Variants in DPP10 observed in about 807,000 individuals in gnomAD.
DPP10 encodes dipeptidyl peptidase like 10.
A neutral mutation model predicts 120.9 loss-of-function variants in DPP10; 33 were observed. That is an observed-to-expected ratio of 0.27 (90% CI 0.21 to 0.37). DPP10 has a LOEUF of 0.37. Among genes scored for constraint, DPP10 ranks in the 10% least tolerant of loss-of-function variants. DPP10 has a pLI of 1.00. For missense variants in DPP10, 816 were observed against 942.8 expected (o/e 0.87, Z 1.76); for synonymous variants, 337 against 326.1 (o/e 1.03, Z -0.36).
intron 1 of DPP10, among the ~76,000 whole-genome samples, chr2:114,549,478 T>C (rs571316839): frequency 5.3e-5 from 8 of 151,850 alleles, no homozygotes; most frequent in African/African-American, 1.7e-4. Flanking sequence ...CTGGCCAACA[T>C]TGGGAAACCC....
At chr2:115,024,916 ATATAT>A (rs1703351785) in intron 1 of DPP10, among the ~76,000 whole-genome samples, 1 of 150,300 alleles carries the variant, frequency 6.7e-6, no homozygotes, top group Non-Finnish European at 1.5e-5. Context: ...TAATCTTTAA[ATATAT>A]TTTATAATCT....
At chr2:114,500,176 A>G (rs1384076066) in intron 1 of DPP10, among the ~76,000 whole-genome samples, 3 of 152,228 alleles carry the variant, frequency 2.0e-5, no homozygotes, top group Admixed American at 2.0e-4. Flanking sequence ...AATTTCTAGA[A>G]ACTAACAGAA....
intron 3 of DPP10, among the ~76,000 whole-genome samples, chr2:115,402,857 ATATAT>A (rs199799825): frequency 4.4e-5 from 5 of 113,930 alleles, no homozygotes; most frequent in South Asian, 2.7e-4. Context: ...AAAAAAAAAT[ATATAT>A]ATATATATAT....
At chr2:115,071,971 G>T (rs116147827) in intron 1 of DPP10, among the ~76,000 whole-genome samples, 434 of 152,202 alleles carry the variant, frequency 2.9e-3, no homozygotes, top group African/African-American at 9.5e-3. Context: ...CAGCAAAGAA[G>T]AATTGTCCAG....
intron 1 of DPP10, among the ~76,000 whole-genome samples, chr2:114,958,503 A>T (rs902484335): frequency 6.6e-6 from 1 of 152,216 alleles, no homozygotes; most frequent in African/African-American, 2.4e-5. Context: ...TGCATCTTTT[A>T]AAATTGCTTA....
In DPP10 at chr2:115,590,854, G is replaced by A. The variant is rs7425041; in HGVS notation, c.441+64882G>A. On this transcript the variant is annotated intron_variant, in intron 5 of 25. Coordinates refer to ENST00000410059, the MANE Select transcript of DPP10 (RefSeq NM_020868.6). The stretch of plus-strand genomic sequence containing the variant: ...GTTGTTTCCTGACTTTTTAATGATC[G>A]CCATTCTAACTGGTGTGAGATGGTA... 7.1e-3 allele frequency among the ~76,000 whole-genome samples: 1,075 copies of A among 152,220 alleles called. 13 individuals carry two copies. The highest frequency in any genetic ancestry group is 0.024 in the African/African-American group (1,015 of 41,526).
chr2:115,667,617 GT>G (rs1182822920), intron 5 of DPP10, among the ~76,000 whole-genome samples: 1 of 151,930 alleles, frequency 6.6e-6, no homozygotes. Flanking sequence ...CCCATTGCTT[GT>G]TTTTGTTGAC....
chr2:115,210,845 C>T lies in DPP10; in HGVS notation c.61-98394C>T, dbSNP rs939219256. Among the ~76,000 whole-genome samples the T allele has an allele frequency of 4.1e-4, 63 of 152,042 alleles. 2 individuals are homozygous for T. Among genetic ancestry groups the T allele is most frequent in the African/African-American group, 2.4e-4 (10 of 41,504 alleles). On this transcript the variant is annotated intron_variant, in intron 1 of 25. Coordinates refer to ENST00000410059, the MANE Select transcript of DPP10 (RefSeq NM_020868.6). Reference sequence around the variant, plus strand: ...TTGAGAAGTGTCTGTTCATATCCTTCGCCCACTTTTTGATGGGGTTGTTTT... The same window carrying T: ...TTGAGAAGTGTCTGTTCATATCCTTTGCCCACTTTTTGATGGGGTTGTTTT...
chr2:115,775,902 A>C (rs1234487532), intron 13 of DPP10, among the ~76,000 whole-genome samples: 1 of 152,200 alleles, frequency 6.6e-6, no homozygotes, highest in African/African-American at 2.4e-5. Context: ...GAAAATTATA[A>C]TCACCTTAAT....
chr2:115,198,104 A>G (rs925394225), intron 1 of DPP10, among the ~76,000 whole-genome samples: 1 of 152,206 alleles, frequency 6.6e-6, no homozygotes, highest in Non-Finnish European at 1.5e-5. Context: ...TAGTAATCAT[A>G]TTAATCTTGC....
At chr2:115,836,032 CCAAA>C (rs1689452505) in intron 21 of DPP10, 121 bp from the exon 22 acceptor site, 1 of 473,406 alleles carries the variant, frequency 2.1e-6, no homozygotes, top group Non-Finnish European at 3.4e-6. Context: ...ATGTACAGTA[CCAAA>C]CATTGATCAA....
intron 1 of DPP10, among the ~76,000 whole-genome samples, chr2:114,751,307 T>C (rs113844416): frequency 3.9e-5 from 6 of 152,348 alleles, no homozygotes; most frequent in African/African-American, 1.4e-4. Context: ...CAAGTGCTTT[T>C]GCTAGTTACA....
At chr2:115,741,372 A>AT (rs1363175069) in intron 9 of DPP10, among the ~76,000 whole-genome samples, 2 of 151,576 alleles carry the variant, frequency 1.3e-5, no homozygotes, top group African/African-American at 2.4e-5. Flanking sequence ...ATACTAAGAG[A>AT]TTTTTATTGT....
chr2:114,794,190 T>C (rs1683488041), intron 1 of DPP10, among the ~76,000 whole-genome samples: 1 of 152,196 alleles, frequency 6.6e-6, no homozygotes, highest in Non-Finnish European at 1.5e-5. Flanking sequence ...TGTCCATGAC[T>C]GGTAATTACA....
intron 1 of DPP10, among the ~76,000 whole-genome samples, chr2:114,998,243 A>G (rs540895087): frequency 9.8e-5 from 15 of 152,334 alleles, no homozygotes; most frequent in Admixed American, 3.3e-4. Flanking sequence ...ATGAATAAGT[A>G]TGTTAAAGGA....
intron 21 of DPP10, among the ~76,000 whole-genome samples, chr2:115,820,799 ATGTGTG>A (rs869085100): frequency 2.5e-3 from 266 of 105,596 alleles, no homozygotes; most frequent in African/African-American, 0.012. Flanking sequence ...TCCATGGTGT[ATGTGTG>A]TGTGTGTGTG....
At chr2:115,630,067 C>G (rs1384516574) in intron 5 of DPP10, among the ~76,000 whole-genome samples, 2 of 151,998 alleles carry the variant, frequency 1.3e-5, no homozygotes, top group Admixed American at 6.6e-5. Context: ...TGTCTGTGTC[C>G]TATCTTATTT....
intron 1 of DPP10, among the ~76,000 whole-genome samples, chr2:114,732,807 A>G (rs1020999255): frequency 6.6e-6 from 1 of 152,154 alleles, no homozygotes; most frequent in African/African-American, 2.4e-5. Context: ...TTCTCATTTA[A>G]TTTTTATAAT....
chr2:115,484,025 C>T (rs1381654912), intron 3 of DPP10, among the ~76,000 whole-genome samples: 1 of 151,944 alleles, frequency 6.6e-6, no homozygotes, highest in African/African-American at 2.4e-5. Flanking sequence ...CCAGGGGAAA[C>T]ATGACTCGTG....
Sources: allele counts gnomAD v4.1 joint callset (sites outside exome capture counted in the v4.1 genomes callset), GRCh38; gene constraint gnomAD v4.1.1; transcripts MANE v1.5; gene names NCBI Gene and HGNC (gene_info 2026-07-23, HGNC 2026-07-21).